The following TVP23A variants were observed in gnomAD, a reference collection of about 807,000 sequenced individuals.
The protein encoded by TVP23A is Golgi apparatus membrane protein TVP23 homolog A.
In TVP23A, 21 loss-of-function variants were observed where a neutral mutation model predicts 31.7. The ratio of observed to expected loss-of-function variants is 0.66; its 90% CI spans 0.47 to 0.95. TVP23A has a LOEUF of 0.95. Among genes scored for constraint, TVP23A ranks in the 40% least tolerant of loss-of-function variants. The pLI, the probability that TVP23A is intolerant of heterozygous loss-of-function variation, is 0.00. For missense variants in TVP23A, 279 were observed against 255.6 expected, an observed-to-expected ratio of 1.09 and a Z score of -0.62; for synonymous variants, 104 against 96.0, an observed-to-expected ratio of 1.08 and a Z score of -0.49.
At chr16:10,797,846 T>C (rs1039795463) in intron 2 of TVP23A, among the ~76,000 whole-genome samples, 3 of 152,112 alleles carry the variant, frequency 2.0e-5, no homozygotes, top group African/African-American at 7.2e-5. Flanking sequence ...TGCGAAATGA[T>C]TGGTCATGAA....
chr16:10,780,816 G>C (rs183007249), intron 2 of TVP23A, among the ~76,000 whole-genome samples: 3 of 151,792 alleles, frequency 2.0e-5, no homozygotes, highest in Admixed American at 2.0e-4. Context: ...CGTGTCATTC[G>C]AAACAACGGT....
intron 2 of TVP23A, among the ~76,000 whole-genome samples, chr16:10,800,612 A>G (rs549847981): frequency 1.5e-4 from 23 of 152,308 alleles, no homozygotes; most frequent in African/African-American, 5.5e-4. Context: ...ATACTGAATC[A>G]CTACTGCAAC....
At chr16:10,810,716 C>T (rs1451097702) in intron 2 of TVP23A, among the ~76,000 whole-genome samples, 2 of 152,130 alleles carry the variant, frequency 1.3e-5, no homozygotes, top group African/African-American at 4.8e-5. Context: ...TCCTCTCAGA[C>T]ATCATACCTC....
intron 2 of TVP23A, among the ~76,000 whole-genome samples, chr16:10,796,237 G>A (rs1225842135): frequency 6.6e-6 from 1 of 151,856 alleles, no homozygotes; most frequent in Admixed American, 6.6e-5. Flanking sequence ...CCACTTGGGA[G>A]GCTGAGGTGA....
chr16:10,769,374 A>G (rs2031364452), intron 7 of TVP23A: 1 of 398,800 alleles, frequency 2.5e-6, no homozygotes, highest in African/African-American at 2.1e-5. Context: ...TGTTTCACGT[A>G]AAAAACAAAT....
chr16:10,772,049 G>A (rs1596494165), intron 5 of TVP23A, among the ~76,000 whole-genome samples: 2 of 152,130 alleles, frequency 1.3e-5, no homozygotes, highest in African/African-American at 4.8e-5. Flanking sequence ...TCCATCTGAC[G>A]CAAAGGTCAC....
At chr16:10,809,137 C>A (rs1053605867) in intron 2 of TVP23A, among the ~76,000 whole-genome samples, 4 of 152,226 alleles carry the variant, frequency 2.6e-5, no homozygotes, top group Non-Finnish European at 5.9e-5. Context: ...AGGAGCCCTG[C>A]CAGGTCCCCT....
chr16:10,763,364 G>T (rs1418373755), downstream of TVP23A, among the ~76,000 whole-genome samples: 1 of 152,126 alleles, frequency 6.6e-6, no homozygotes, highest in East Asian at 1.9e-4. Context: ...GGGGTAGGGT[G>T]CGAGGGCCAC....
intron 2 of TVP23A, among the ~76,000 whole-genome samples, chr16:10,789,724 A>G (rs2032987460): frequency 6.7e-6 from 1 of 149,992 alleles, no homozygotes; most frequent in Non-Finnish European, 1.5e-5. Flanking sequence ...AATCCCAGCT[A>G]CTTGGGAGGC....
At chr16:10,757,841 A>C (rs1316082434), downstream of TVP23A, 2 of 1,597,530 alleles carry the variant, frequency 1.3e-6, no homozygotes, top group Non-Finnish European at 1.7e-6. This position sits in a 1 kb window ranked among gnomAD's most constrained non-coding sequence, Gnocchi z 4.1. Flanking sequence ...AGAAAGGAAA[A>C]GTAAGCATCC....
At chr16:10,783,708 A>G (rs1039901155) in intron 2 of TVP23A, among the ~76,000 whole-genome samples, 1 of 152,162 alleles carries the variant, frequency 6.6e-6, no homozygotes, top group Admixed American at 6.5e-5. Context: ...CAATAGCAGA[A>G]TGGATAAACC....
In TVP23A at chr16:10,818,420, C is replaced by G. The variant is rs2034538961; in HGVS notation, c.9+65G>C. On this transcript the variant is annotated intron_variant, in intron 1 of 7. Coordinates refer to ENST00000299866, the MANE Select transcript of TVP23A (RefSeq NM_001079512.4). The surrounding 1 kb of genome is among the most constrained non-coding windows in gnomAD (Gnocchi z 4.7). ...ATCCCTCCTCCTCCTCCCGGCTTCT[C>G]CAGCGCTCCCGCAGGCTCCCCTCGT... is the stretch of plus-strand genomic sequence containing the variant. 6.3e-7 allele frequency: 1 copy of G among 1,580,920 alleles called. No individual in the cohort carries two copies. Among genetic ancestry groups the G allele is most frequent in the Non-Finnish European group, 8.6e-7 (1 of 1,167,988 alleles).
chr16:10,761,609 C>G, intron 8 of TVP23A: 2 of 982,120 alleles, frequency 2.0e-6, no homozygotes, highest in Non-Finnish European at 1.5e-6. Context: ...AAATCCCTTT[C>G]TGCTGACTAA....
chr16:10,812,389 C>T (rs2034246111), intron 2 of TVP23A, among the ~76,000 whole-genome samples: 1 of 152,192 alleles, frequency 6.6e-6, no homozygotes, highest in Admixed American at 6.5e-5. Context: ...CCATAGGATC[C>T]AGCAATCCCA....
chr16:10,761,613 T>C (rs1217843947), intron 8 of TVP23A: 12 of 975,686 alleles, frequency 1.2e-5, no homozygotes, highest in African/African-American at 1.6e-5. Flanking sequence ...CCCTTTCTGC[T>C]GACTAAAGGA....
exon 9 of TVP23A, chr16:10,761,403 T>G: frequency 1.2e-6 from 2 of 1,614,196 alleles, no homozygotes; most frequent in Non-Finnish European, 1.7e-6. Context: ...AATCAACTTC[T>G]GCCGCAAGGT....
chr16:10,768,308 T>TAAA lies in TVP23A; in HGVS notation c.*791_*793dup. 2.3e-5 allele frequency: 4 copies of TAAA among 175,236 alleles called. No homozygotes were observed. The highest frequency in any genetic ancestry group is 4.7e-5 in the Non-Finnish European group (4 of 84,788). 10.9% of individuals were successfully genotyped at this position (175,236 alleles called of 1,614,324 possible). A position where few individuals can be genotyped will look rare whatever the true frequency, so the allele number is the denominator to read the frequency against. ...GTAATTCATTTTTAAAAGTAACTGATAAAAAAAAAAAAGGCCAGGTGCAGT... is the reference window on the plus strand; with the variant it reads ...GTAATTCATTTTTAAAAGTAACTGATAAAAAAAAAAAAAAAGGCCAGGTGCAGT... On this transcript the variant is annotated 3_prime_UTR_variant, in exon 8 of 8. Coordinates refer to ENST00000299866, the MANE Select transcript of TVP23A (RefSeq NM_001079512.4). The surrounding 1 kb of genome is among the most constrained non-coding windows in gnomAD (Gnocchi z 4.3).
At chr16:10,782,148 T>C (rs1249012263) in intron 2 of TVP23A, among the ~76,000 whole-genome samples, 1 of 151,930 alleles carries the variant, frequency 6.6e-6, no homozygotes, top group Admixed American at 6.6e-5. Context: ...AGGTGTGAGC[T>C]ACCGTACCTG....
intron 2 of TVP23A, among the ~76,000 whole-genome samples, chr16:10,807,508 T>G (rs1278794192): frequency 6.6e-6 from 1 of 152,184 alleles, no homozygotes; most frequent in Non-Finnish European, 1.5e-5. Flanking sequence ...GAGGGGACAC[T>G]TGGCCACATC....
Sources: gnomAD v4.1 joint callset for allele counts (sites outside exome capture counted in the v4.1 genomes callset) on GRCh38, gnomAD v4.1.1 for gene constraint, Gnocchi (gnomAD v3.1) non-coding constraint, MANE v1.5 for transcripts, NCBI Gene and HGNC (gene_info 2026-07-23, HGNC 2026-07-21) for gene names.